Variants in ARHGAP20 observed in about 807,000 individuals in gnomAD.
ARHGAP20 encodes the protein rho GTPase-activating protein 20.
ARHGAP20 carries 34 observed loss-of-function variants against 73.7 expected under a neutral mutation model. The observed-to-expected ratio is 0.46, with a 90% CI of 0.35 to 0.61. The LOEUF is 0.61. ARHGAP20 is among the 20% of genes least tolerant of loss of function. ARHGAP20 has a pLI of 0.00. For synonymous variants in ARHGAP20, 523 were observed against 518.2 expected (o/e 1.01, Z -0.13); for missense variants, 1,314 against 1,420.9 (o/e 0.92, Z 1.21).
intron 2 of ARHGAP20, among the ~76,000 whole-genome samples, chr11:110,631,405 C>T: frequency 6.6e-6 from 1 of 152,148 alleles, no homozygotes; most frequent in East Asian, 1.9e-4. Context: ...TTGTTTATTT[C>T]TCCACTGCAG....
At chr11:110,681,176 G>A (rs1950030281) in intron 2 of ARHGAP20, among the ~76,000 whole-genome samples, 2 of 152,162 alleles carry the variant, frequency 1.3e-5, no homozygotes, top group African/African-American at 4.8e-5. Flanking sequence ...GACAGCACAT[G>A]GAACAGTGTT....
At chr11:110,646,110 G>C (rs776240517) in intron 2 of ARHGAP20, among the ~76,000 whole-genome samples, 1 of 151,992 alleles carries the variant, frequency 6.6e-6, no homozygotes, top group Non-Finnish European at 1.5e-5. Context: ...TGTACCTCCT[G>C]ATTTAAAATA....
At chr11:110,690,666 CTTG>C in intron 1 of ARHGAP20, 37 bp from the exon 2 acceptor site, 1 of 1,579,962 alleles carries the variant, frequency 6.3e-7, no homozygotes. Context: ...GACCACATGG[CTTG>C]TAAGGCAAGA....
rs1015933693 is a variant in ARHGAP20 at position 110,603,904 on chromosome 11, T to C, written c.964+2657A>G. 5.3e-5 allele frequency among the ~76,000 whole-genome samples: 8 copies of C among 152,284 alleles called. No individual in the cohort carries two copies. The East Asian group carries it at 1.5e-3, about 29-fold the overall frequency. On this transcript the variant is annotated intron_variant, in intron 9 of 14. Transcript: ENST00000683387. ...TTAAAAATTTTATTATAGATCAGAATGTTTGTACTCAAATTTTGATGGCTA... is the reference window on the plus strand; with the variant it reads ...TTAAAAATTTTATTATAGATCAGAACGTTTGTACTCAAATTTTGATGGCTA...
chr11:110,632,392 G>GCC (rs1447116397), intron 2 of ARHGAP20, among the ~76,000 whole-genome samples: 1 of 151,984 alleles, frequency 6.6e-6, no homozygotes, highest in Non-Finnish European at 1.5e-5. Context: ...ATGTACAGTA[G>GCC]CCTTTAATTA....
chr11:110,585,032 T>TATGA lies in ARHGAP20; in HGVS notation c.1415+1183_1415+1184insTCAT, dbSNP rs1555082472. On this transcript the variant is annotated intron_variant, in intron 12 of 14. Transcript: ENST00000683387. ...ATGTATGTGAACATATATGTGAATA[T>TATGA]ATGTGAATATATATGAATATATGAA... Among the ~76,000 whole-genome samples, 5 of 146,494 alleles carry TATGA rather than the reference T, an allele frequency of 3.4e-5. No homozygotes were observed. The East Asian group carries it at 9.8e-4, about 29-fold the overall frequency.
intron 4 of ARHGAP20, among the ~76,000 whole-genome samples, chr11:110,616,520 C>T (rs958229244): frequency 2.0e-5 from 3 of 152,082 alleles, no homozygotes; most frequent in Non-Finnish European, 2.9e-5. Flanking sequence ...GCTACAGATG[C>T]GTGCCACAAG....
intron 2 of ARHGAP20, among the ~76,000 whole-genome samples, chr11:110,664,914 T>A (rs1190243141): frequency 1.3e-5 from 2 of 151,994 alleles, no homozygotes; most frequent in African/African-American, 2.4e-5. Flanking sequence ...CTATGTTGAG[T>A]CAATATTGTT....
chr11:110,601,860 G>A (rs1187320586), intron 9 of ARHGAP20, among the ~76,000 whole-genome samples: 1 of 151,902 alleles, frequency 6.6e-6, no homozygotes, highest in Admixed American at 6.6e-5. Context: ...TTTGGTGGCA[G>A]GCGCCTGTAA....
rs867526652 is a variant in ARHGAP20, at chr11:110,578,743, T to C, written c.*627A>G. The C allele has an allele frequency of 3.0e-6, 3 of 985,334 alleles. No homozygotes were observed. The highest frequency in any genetic ancestry group is 3.6e-6 in the Non-Finnish European group (3 of 829,942). 61.0% of individuals were successfully genotyped at this position (985,334 alleles called of 1,614,324 possible). ...AACAAAACTGATATCATGGTACCCA[T>C]GGCTTTTGAGTCACTCTGTTTTTCT... On this transcript the variant is annotated 3_prime_UTR_variant, in exon 15 of 15. Coordinates refer to ENST00000683387, the MANE Select transcript of ARHGAP20 (RefSeq NM_001384657.1).
At chr11:110,683,064 T>C (rs542883749) in intron 2 of ARHGAP20, among the ~76,000 whole-genome samples, 13 of 152,238 alleles carry the variant, frequency 8.5e-5, no homozygotes, top group Admixed American at 2.6e-4. Context: ...GAGGTGGAGA[T>C]GGAGATAGAC....
chr11:110,584,918 AATAT>A (rs1005785515), intron 12 of ARHGAP20, among the ~76,000 whole-genome samples: 1 of 148,894 alleles, frequency 6.7e-6, no homozygotes. Flanking sequence ...TATATATATG[AATAT>A]ATATGTGAAT....
Position 110,615,959 on chromosome 11 carries a change from C to T in ARHGAP20, c.504-365G>A, listed in dbSNP as rs564042256. Among the ~76,000 whole-genome samples, 3 of 152,238 alleles carry T rather than the reference C, an allele frequency of 2.0e-5. No homozygotes were observed. In the East Asian group the frequency reaches 5.8e-4, roughly 29 times the overall value. Reference sequence around the variant, plus strand: ...ATTTCAAAATTATATGCAAGCTAGACAATCATGGGCAAGTCATTTAACCTC... The same window carrying T: ...ATTTCAAAATTATATGCAAGCTAGATAATCATGGGCAAGTCATTTAACCTC... On this transcript the variant is annotated intron_variant, in intron 4 of 14. Transcript: ENST00000683387.
chr11:110,583,839 C>T, intron 12 of ARHGAP20, 102 bp from the exon 13 acceptor site: 1 of 977,126 alleles, frequency 1.0e-6, no homozygotes, highest in East Asian at 2.7e-5. Context: ...ATCAAGAACA[C>T]AGTTCAGATA....
chr11:110,652,893 C>T (rs1042087385), intron 2 of ARHGAP20, among the ~76,000 whole-genome samples: 1 of 152,054 alleles, frequency 6.6e-6, no homozygotes, highest in African/African-American at 2.4e-5. Flanking sequence ...TGCGACAGAA[C>T]AGAAAATTCA....
chr11:110,588,190 A>G (rs1947723039), intron 11 of ARHGAP20, among the ~76,000 whole-genome samples: 1 of 152,232 alleles, frequency 6.6e-6, no homozygotes. Flanking sequence ...GAAGGATGTG[A>G]GAGCCGATTC....
At chr11:110,646,401 G>C (rs574159054) in intron 2 of ARHGAP20, among the ~76,000 whole-genome samples, 35 of 152,174 alleles carry the variant, frequency 2.3e-4, no homozygotes, top group Non-Finnish European at 7.4e-5. Flanking sequence ...TCAGGATAAG[G>C]AGGAACCACA....
chr11:110,592,754 T>C (rs1319786818), intron 9 of ARHGAP20, among the ~76,000 whole-genome samples: 1 of 152,192 alleles, frequency 6.6e-6, no homozygotes, highest in Non-Finnish European at 1.5e-5. Context: ...AAGAATCCTT[T>C]AGTATCTGAC....
intron 2 of ARHGAP20, among the ~76,000 whole-genome samples, chr11:110,663,869 G>A (rs745700514): frequency 6.6e-6 from 1 of 152,006 alleles, no homozygotes; most frequent in Non-Finnish European, 1.5e-5. Flanking sequence ...TCAGCAAACT[G>A]AATACAACAA....
Sources: gnomAD v4.1 joint callset for allele counts (sites outside exome capture counted in the v4.1 genomes callset) on GRCh38, gnomAD v4.1.1 for gene constraint, MANE v1.5 for transcripts, NCBI Gene and HGNC (gene_info 2026-07-23, HGNC 2026-07-21) for gene names.